CFAP263: variants seen among roughly 807,000 people sequenced by gnomAD.
CFAP263 encodes cilia- and flagella-associated protein 263.
the CFAP263 span, among the ~76,000 whole-genome samples, chr16:58,273,009 T>A: frequency 6.6e-6 from 1 of 152,216 alleles, no homozygotes; most frequent in Non-Finnish European, 1.5e-5. Context: ...TTCAGCCCAT[T>A]GCCTTCTGGC....
At chr16:58,280,189 A>T in the CFAP263 span, 1 of 1,568,558 alleles carries the variant, frequency 6.4e-7, no homozygotes. Context: ...CAGCATTCTC[A>T]GTTTACTCTT....
the CFAP263 span, chr16:58,280,349 A>G: frequency 6.2e-7 from 1 of 1,614,192 alleles, no homozygotes; most frequent in Non-Finnish European, 8.5e-7. Flanking sequence ...TAGTCATAGT[A>G]TAAGGGTTGT....
chr16:58,254,232 T>C, the CFAP263 span: 1 of 1,486,842 alleles, frequency 6.7e-7, no homozygotes, highest in Non-Finnish European at 9.3e-7. Flanking sequence ...GTATCTAGAG[T>C]GGGTTCATGT....
the CFAP263 span, among the ~76,000 whole-genome samples, chr16:58,268,000 A>G: frequency 6.6e-6 from 1 of 150,966 alleles, no homozygotes; most frequent in South Asian, 2.1e-4. Flanking sequence ...AGACAGAGAG[A>G]GGAAAGAGAG....
the CFAP263 span, among the ~76,000 whole-genome samples, chr16:58,263,034 C>A: frequency 6.6e-6 from 1 of 152,178 alleles, no homozygotes; most frequent in African/African-American, 2.4e-5. Context: ...CAGAAAACTA[C>A]TAAATAATTT....
chr16:58,261,037 A>G, the CFAP263 span, among the ~76,000 whole-genome samples: 2 of 152,132 alleles, frequency 1.3e-5, no homozygotes, highest in African/African-American at 2.4e-5. Flanking sequence ...ACTCTGTCTG[A>G]GCGGCCCCTA....
chr16:58,267,417 C>T, the CFAP263 span: 2 of 1,094,082 alleles, frequency 1.8e-6, no homozygotes, highest in Non-Finnish European at 2.8e-6. Flanking sequence ...AGAGATGTCT[C>T]CCCTTCCTGC....
At chr16:58,251,632 T>G in the CFAP263 span, among the ~76,000 whole-genome samples, 1 of 152,194 alleles carries the variant, frequency 6.6e-6, no homozygotes, top group Non-Finnish European at 1.5e-5. Context: ...CCTCAGGTGA[T>G]CCACCTGCCT....
chr16:58,280,830 T>C, the CFAP263 span: 1 of 1,374,058 alleles, frequency 7.3e-7, no homozygotes, highest in Non-Finnish European at 9.8e-7. Flanking sequence ...TTGTGCAATA[T>C]ACTGTTTGTT....
chr16:58,273,180 G>A, the CFAP263 span, among the ~76,000 whole-genome samples: 60 of 152,150 alleles, frequency 3.9e-4, no homozygotes, highest in African/African-American at 1.4e-3. Flanking sequence ...CATTTCTTCT[G>A]TTTGGAGTTT....
At chr16:58,263,815 T>C in the CFAP263 span, among the ~76,000 whole-genome samples, 1 of 152,122 alleles carries the variant, frequency 6.6e-6, no homozygotes, top group Non-Finnish European at 1.5e-5. Flanking sequence ...CTGTCTCTAC[T>C]AAAAATACAA....
chr16:58,252,883 T>G, the CFAP263 span: 2 of 1,610,236 alleles, frequency 1.2e-6, no homozygotes, highest in East Asian at 4.5e-5. Context: ...ATCATTCTTT[T>G]ATTGTTTGTC....
the CFAP263 span, among the ~76,000 whole-genome samples, chr16:58,276,382 T>C: frequency 6.6e-6 from 1 of 152,216 alleles, no homozygotes; most frequent in Non-Finnish European, 1.5e-5. Flanking sequence ...TAGCACTGTT[T>C]ACCAAACATT....
At chr16:58,274,874 T>A in the CFAP263 span, among the ~76,000 whole-genome samples, 22 of 152,330 alleles carry the variant, frequency 1.4e-4, no homozygotes, top group African/African-American at 5.3e-4. Flanking sequence ...CGTAGTGACA[T>A]TGCTGCTCTA....
the CFAP263 span, among the ~76,000 whole-genome samples, chr16:58,260,117 A>T: frequency 6.6e-6 from 1 of 152,128 alleles, no homozygotes; most frequent in African/African-American, 2.4e-5. Flanking sequence ...AGATGGGGAG[A>T]TGGTCTTGAA....
the CFAP263 span, among the ~76,000 whole-genome samples, chr16:58,251,757 T>G: frequency 1.3e-5 from 2 of 152,204 alleles, no homozygotes; most frequent in African/African-American, 4.8e-5. Flanking sequence ...GCAATTACTT[T>G]TGTACCAACC....
the CFAP263 span, chr16:58,280,560 C>A: frequency 2.5e-6 from 4 of 1,614,176 alleles, no homozygotes; most frequent in East Asian, 2.2e-5. Flanking sequence ...AGAAAGAAAT[C>A]AACTTTTCCC....
chr16:58,267,526 G>C, the CFAP263 span: 1 of 1,614,020 alleles, frequency 6.2e-7, no homozygotes, highest in Non-Finnish European at 8.5e-7. Flanking sequence ...TGGACAAGGA[G>C]ATCTTGCTGA....
the CFAP263 span, chr16:58,279,892 A>C: frequency 2.0e-5 from 17 of 830,766 alleles, no homozygotes; most frequent in Non-Finnish European, 3.0e-5. Flanking sequence ...CCAACCCCCC[A>C]CCCAGGCTGC....
Sources: allele counts gnomAD v4.1 joint callset (sites outside exome capture counted in the v4.1 genomes callset), GRCh38; gene constraint gnomAD v4.1.1; transcripts MANE v1.5; gene names NCBI Gene and HGNC (gene_info 2026-07-23, HGNC 2026-07-21).